Variants in EFHD2 observed in about 807,000 individuals in gnomAD.
EFHD2 encodes the protein EF-hand domain-containing protein D2.
EFHD2 carries 12 observed loss-of-function variants against 20.3 expected under a neutral mutation model. The ratio of observed to expected loss-of-function variants is 0.59; its 90% CI spans 0.38 to 0.96. EFHD2 has a LOEUF of 0.96. Ranked by LOEUF, EFHD2 falls within the 40% of genes least tolerant of loss-of-function variation. EFHD2 has a pLI of 0.00. For missense variants in EFHD2, 250 were observed against 334.3 expected (o/e 0.75, Z 1.97); for synonymous variants, 131 against 143.9 (o/e 0.91, Z 0.64).
rs562738840 is a variant in EFHD2 at position 15,427,481 on chromosome 1, G to A, written c.591+197G>A. Among the ~76,000 whole-genome samples, 9 of 152,316 alleles carry A rather than the reference G, an allele frequency of 5.9e-5. No individual in the cohort carries two copies. In the South Asian group the frequency reaches 6.2e-4, roughly 11 times the overall value. ...CTCCTGGCTGAGATCCTTGGCAGCC[G>A]CCAAGGGGGTGGGTGAGGGGGGTGT... On this transcript the variant is annotated intron_variant, in intron 3 of 3. Coordinates refer to ENST00000375980, the MANE Select transcript of EFHD2 (RefSeq NM_024329.6).
At position 15,426,185 on chromosome 1, in the gene EFHD2, T is replaced by C. The variant is rs1218608121; in HGVS notation, c.456+167T>C. ...CTGAGTGAGGCTTCAGAGGGCCTGT[T>C]ACAGCAGGCACCAGGGAGGGTTCTG... On this transcript the variant is annotated intron_variant, in intron 2 of 3. Transcript: ENST00000375980. The surrounding 1 kb of genome is among the most constrained non-coding windows in gnomAD (Gnocchi z 4.6). Among the ~76,000 whole-genome samples the C allele has an allele frequency of 2.0e-5, 3 of 152,098 alleles. No individual in the cohort carries two copies. Among genetic ancestry groups the C allele is most frequent in the African/African-American group, 7.2e-5 (3 of 41,418 alleles).
Position 15,417,533 on chromosome 1 carries a change from G to A in EFHD2, c.308+7254G>A, listed in dbSNP as rs539490684. ...TATCCTCCGTGGGGGAGCCCCAAGCGCCACACTTATGTGCTCTCTATCTCT... is the reference window on the plus strand; with the variant it reads ...TATCCTCCGTGGGGGAGCCCCAAGCACCACACTTATGTGCTCTCTATCTCT... On this transcript the variant is annotated intron_variant, in intron 1 of 3. Transcript: ENST00000375980. Among the ~76,000 whole-genome samples, 8 of 152,192 alleles carry A rather than the reference G, an allele frequency of 5.3e-5. No individual in the cohort carries two copies. The East Asian group carries it at 5.8e-4, about 11-fold the overall frequency.
intron 1 of EFHD2, among the ~76,000 whole-genome samples, chr1:15,420,270 A>G (rs1347339724): frequency 6.6e-6 from 1 of 152,256 alleles, no homozygotes; most frequent in East Asian, 1.9e-4. Flanking sequence ...GATGATGATG[A>G]AATTAACAGG....
In EFHD2 at chr1:15,426,122, T is replaced by A; in HGVS notation, c.456+104T>A. 4 of 1,242,042 alleles carry A rather than the reference T, an allele frequency of 3.2e-6. No homozygotes were observed. The highest frequency in any genetic ancestry group is 1.6e-5 in the African/African-American group (1 of 63,932). 76.9% of individuals were successfully genotyped at this position (1,242,042 alleles called of 1,614,324 possible). A position where few individuals can be genotyped will look rare whatever the true frequency, so the allele number is the denominator to read the frequency against. ...ACCCTTTGTCAATGAATGAATGACATTGCCATTGAACAGCAGCTGTGAGCA... is the reference window on the plus strand; with the variant it reads ...ACCCTTTGTCAATGAATGAATGACAATGCCATTGAACAGCAGCTGTGAGCA... On this transcript the variant is annotated intron_variant, in intron 2 of 3. Coordinates refer to ENST00000375980, the MANE Select transcript of EFHD2 (RefSeq NM_024329.6). This position sits in a 1 kb window ranked among gnomAD's most constrained non-coding sequence, Gnocchi z 4.6.
chr1:15,418,007 T>TGAGACA (rs1707709651), intron 1 of EFHD2, among the ~76,000 whole-genome samples: 1 of 127,014 alleles, frequency 7.9e-6, no homozygotes, highest in East Asian at 2.1e-4. Flanking sequence ...TTTTTTTTTT[T>TGAGACA]GAGACAGAGT....
chr1:15,420,773 C>A (rs1707776032), intron 1 of EFHD2, among the ~76,000 whole-genome samples: 2 of 152,254 alleles, frequency 1.3e-5, no homozygotes, highest in Middle Eastern at 3.4e-3. Flanking sequence ...CTGCCTCAGC[C>A]TCCCAAAATG....
At position 15,409,919 on chromosome 1, in the gene EFHD2, G is replaced by GGCGCT; in HGVS notation, c.-46_-42dup. On this transcript the variant is annotated 5_prime_UTR_variant, in exon 1 of 4. Coordinates refer to ENST00000375980, the MANE Select transcript of EFHD2 (RefSeq NM_024329.6). ...CAGGAAGAGGAAGAGCGCGGCCGGC[G>GGCGCT]GCGCTGCGCTGAGAGCAGGGGCCCG... 1.7e-6 allele frequency: 2 copies of GGCGCT among 1,199,266 alleles called. No individual in the cohort carries two copies. The highest frequency in any genetic ancestry group is 3.6e-5 in the East Asian group (1 of 28,076). 74.3% of individuals were successfully genotyped at this position (1,199,266 alleles called of 1,614,324 possible).
chr1:15,428,010 G>A (rs1010157984), intron 3 of EFHD2: 1 of 470,902 alleles, frequency 2.1e-6, no homozygotes, highest in African/African-American at 2.0e-5. Flanking sequence ...CAGAATATAG[G>A]TTCTCTATTT....
intron 1 of EFHD2, among the ~76,000 whole-genome samples, chr1:15,417,546 G>GCT (rs962954370): frequency 6.6e-6 from 1 of 152,072 alleles, no homozygotes; most frequent in Non-Finnish European, 1.5e-5. Flanking sequence ...ACACTTATGT[G>GCT]CTCTCTATCT....
At chr1:15,422,920 G>T (rs1460104926) in intron 1 of EFHD2, among the ~76,000 whole-genome samples, 1 of 151,986 alleles carries the variant, frequency 6.6e-6, no homozygotes, top group African/African-American at 2.4e-5. Context: ...AGGCAATTTG[G>T]CTTCAGAGCC....
At chr1:15,424,722 C>T (rs892936006) in intron 1 of EFHD2, among the ~76,000 whole-genome samples, 3 of 152,204 alleles carry the variant, frequency 2.0e-5, no homozygotes, top group Admixed American at 1.3e-4. Context: ...CATTTATTCA[C>T]GTCTTATTTC....
At chr1:15,424,444 C>T (rs1438498233) in intron 1 of EFHD2, among the ~76,000 whole-genome samples, 1 of 152,148 alleles carries the variant, frequency 6.6e-6, no homozygotes, top group African/African-American at 2.4e-5. Context: ...GAGGGACTTG[C>T]CCCCAACCCC....
intron 1 of EFHD2, among the ~76,000 whole-genome samples, chr1:15,417,250 TTGTC>T (rs1219959972): frequency 1.3e-5 from 2 of 152,346 alleles, no homozygotes; most frequent in African/African-American, 2.4e-5. Flanking sequence ...GTGGGTGACT[TTGTC>T]TGAGCTGTAA....
rs779519660 is a variant in EFHD2 at position 15,410,157 on chromosome 1, C to T, written c.186C>T (p.Arg62=). 17 of 1,601,922 alleles carry T rather than the reference C, an allele frequency of 1.1e-5. No individual in the cohort carries two copies. The highest frequency in any genetic ancestry group is 8.9e-5 in the South Asian group (8 of 89,628). Residue 62 remains arginine, a synonymous_variant, in exon 1 of 4, where the codon CGC becomes CGT. Coordinates refer to ENST00000375980, the MANE Select transcript of EFHD2 (RefSeq NM_024329.6). ...AGCTGAGCGCCAAGCTGCTGCGGCG[C>T]GCAGACCTCAACCAGGGCATCGGCG... ...DCELSAKLLR[R]ADLNQGIGEP...
At chr1:15,423,416 C>T (rs2103278038) in intron 1 of EFHD2, among the ~76,000 whole-genome samples, 1 of 152,302 alleles carries the variant, frequency 6.6e-6, no homozygotes, top group East Asian at 1.9e-4. Flanking sequence ...ATACCCCTCG[C>T]ACAAATGCTC....
In EFHD2 at chr1:15,428,888, G is replaced by T; in HGVS notation, c.*164G>T. The T allele has an allele frequency of 9.2e-7, 1 of 1,086,044 alleles. No individual in the cohort carries two copies. Among genetic ancestry groups the T allele is most frequent in the Non-Finnish European group, 1.3e-6 (1 of 764,210 alleles). The allele number at this position is 1,086,044 out of a possible 1,614,324, so 67.3% of individuals were successfully genotyped here. ...TTCAGGGGTCTTATGGAGGTGGCCC[G>T]GCCCCTCCCCGCTCCCTTCCACTCT... On this transcript the variant is annotated 3_prime_UTR_variant, in exon 4 of 4. Transcript: ENST00000375980.
At chr1:15,424,154 G>A (rs1229220346) in intron 1 of EFHD2, among the ~76,000 whole-genome samples, 3 of 151,512 alleles carry the variant, frequency 2.0e-5, no homozygotes, top group East Asian at 3.9e-4. Flanking sequence ...ATCGCGCCTG[G>A]GTAACAGAGC....
intron 1 of EFHD2, among the ~76,000 whole-genome samples, chr1:15,416,622 A>G (rs55654432): frequency 0.16 from 23,818 of 152,072 alleles, 2,111 homozygotes; most frequent in African/African-American, 0.23. Flanking sequence ...CTGGACTTTC[A>G]GAAGGGTTAT....
intron 1 of EFHD2, among the ~76,000 whole-genome samples, chr1:15,423,781 C>T (rs1423380087): frequency 1.3e-5 from 2 of 152,122 alleles, no homozygotes; most frequent in Admixed American, 6.5e-5. Flanking sequence ...GAAGCTCAAG[C>T]GCCCGGGACA....
Sources: allele counts gnomAD v4.1 joint callset (sites outside exome capture counted in the v4.1 genomes callset), GRCh38; gene constraint gnomAD v4.1.1; non-coding constraint Gnocchi (gnomAD v3.1); transcripts MANE v1.5; gene names NCBI Gene and HGNC (gene_info 2026-07-23, HGNC 2026-07-21).